The following BORA variants were observed in gnomAD, a reference collection of about 807,000 sequenced individuals.
BORA encodes BORA aurora kinase A activator.
In BORA, 26 loss-of-function variants were observed where a neutral mutation model predicts 55.8. The ratio of observed to expected loss-of-function variants is 0.47; its 90% CI spans 0.34 to 0.65. The LOEUF (loss-of-function observed/expected upper bound fraction) is 0.65. Among genes scored for constraint, BORA ranks in the 30% least tolerant of loss-of-function variants. The probability of loss-of-function intolerance (pLI) is 0.01; values close to 1 mark genes in which losing one functional copy is unlikely to be tolerated. For synonymous variants in BORA, 201 were observed against 216.9 expected (o/e 0.93, Z 0.64); for missense variants, 568 against 671.5 (o/e 0.85, Z 1.70).
chr13:72,728,106 A>G, intron 1 of BORA, 99 bp downstream of exon 1: 1 of 1,477,052 alleles, frequency 6.8e-7, no homozygotes, highest in Non-Finnish European at 9.3e-7. Context: ...CCCCTGGTGA[A>G]TGGGAGCAGT....
intron 10 of BORA, chr13:72,752,236 G>C (rs753696563): frequency 3.9e-5 from 6 of 152,294 alleles, no homozygotes; most frequent in Admixed American, 2.0e-4. Flanking sequence ...GCAGTGAATA[G>C]AACATGACTT....
rs1045979446 is a variant in BORA, at chr13:72,737,982, C to T, written c.327C>T (p.Ile109=). ...CCTAGTTTTTCACTAAAGATGTCATCGTACCCTCTCCTTGGACTGATCATG... is the reference window on the plus strand; with the variant it reads ...CCTAGTTTTTCACTAAAGATGTCATTGTACCCTCTCCTTGGACTGATCATG... ...AIEEFFTKDV[I]VPSPWTDHEG... is the part of the protein sequence containing the mutation. Residue 109 remains isoleucine (I), a synonymous_variant, in exon 5 of 12, where the codon ATC becomes ATT. Transcript: ENST00000390667. 8.8e-6 allele frequency: 14 copies of T among 1,594,684 alleles called. No homozygotes were observed. Among genetic ancestry groups the T allele is most frequent in the Middle Eastern group, 1.7e-4 (1 of 6,000 alleles).
chr13:72,729,322 C>T (rs1005581180), intron 2 of BORA, among the ~76,000 whole-genome samples: 15 of 151,846 alleles, frequency 9.9e-5, no homozygotes, highest in Non-Finnish European at 2.1e-4. Context: ...ACGTTAGCTT[C>T]CTGCAGTTGT....
chr13:72,747,222 TATATA>T (rs1388782748), intron 10 of BORA, 111 bp downstream of exon 10: 2 of 1,128,878 alleles, frequency 1.8e-6, no homozygotes, highest in Non-Finnish European at 2.4e-6. Context: ...ACTACAGTAT[TATATA>T]ATATTTTTTA....
At chr13:72,739,500 A>G (rs2032995156) in intron 5 of BORA, among the ~76,000 whole-genome samples, 1 of 152,292 alleles carries the variant, frequency 6.6e-6, no homozygotes, top group East Asian at 1.9e-4. Context: ...GTTCCAAACT[A>G]TCTTTTCTAG....
intron 4 of BORA, among the ~76,000 whole-genome samples, chr13:72,736,725 G>A (rs2032935500): frequency 6.6e-6 from 1 of 151,788 alleles, no homozygotes; most frequent in African/African-American, 2.4e-5. Context: ...TTCAGTTTTG[G>A]TAGATTTTAC....
chr13:72,728,240 T>C lies in BORA; in HGVS notation c.-16+233T>C, dbSNP rs150384029. 6,184 of 711,096 alleles carry C rather than the reference T, an allele frequency of 8.7e-3. 45 individuals carry two copies. The highest frequency in any genetic ancestry group is 0.012 in the Non-Finnish European group (4,785 of 392,604). The allele number at this position is 711,096 out of a possible 1,614,324, so 44.0% of individuals were successfully genotyped here. On this transcript the variant is annotated intron_variant, in intron 1 of 11. Transcript: ENST00000390667. ...TCTCAACCTTCCAGAAGTAGACTCT[T>C]TTCCACCCCACCCCGCCAAGGTGTA...
chr13:72,746,101 G>C, intron 9 of BORA, 25 bp downstream of exon 9: 3 of 1,574,950 alleles, frequency 1.9e-6, no homozygotes, highest in South Asian at 1.1e-5. Context: ...AAAATACCTA[G>C]TTAAAAGTTT....
chr13:72,754,755 A>G (rs1029765597), intron 11 of BORA: 2 of 157,794 alleles, frequency 1.3e-5, no homozygotes, highest in Non-Finnish European at 2.8e-5. Flanking sequence ...TCATTCTGTC[A>G]CCCAGGCTAG....
intron 5 of BORA, 42 bp from the exon 6 acceptor site, chr13:72,743,492 TGAA>T (rs776313719): frequency 9.5e-6 from 13 of 1,366,866 alleles, no homozygotes; most frequent in African/African-American, 5.9e-5. Flanking sequence ...CTAAAGCAAA[TGAA>T]GAGTATAAAA....
At position 72,753,704 on chromosome 13, in the gene BORA, T is replaced by C; in HGVS notation, c.1497T>C (p.Tyr499=). ...TCTCCTGTCAGATGGATAGTGGCTA[T>C]AATACGCAGAATTGTGGAAGCAATA... ...ESSNIQMDSG[Y]NTQNCGSNIM... is the part of the protein sequence containing the mutation. Residue 499 remains tyrosine, a synonymous_variant, in exon 11 of 12, where the codon TAT becomes TAC. Transcript: ENST00000390667. The C allele has an allele frequency of 1.2e-6, 2 of 1,612,464 alleles. No individual in the cohort carries two copies. The highest frequency in any genetic ancestry group is 1.7e-6 in the Non-Finnish European group (2 of 1,179,416).
chr13:72,729,132 A>G, intron 2 of BORA, 39 bp downstream of exon 2: 7 of 1,408,840 alleles, frequency 5.0e-6, no homozygotes, highest in Non-Finnish European at 6.7e-6. Context: ...CTAATTTTAA[A>G]TGTAAGTAAT....
rs536735972 is a variant in BORA, at chr13:72,742,828, CA to C, written c.389-708del. On this transcript the variant is annotated intron_variant, in intron 5 of 11. Coordinates refer to ENST00000390667, the MANE Select transcript of BORA (RefSeq NM_024808.5). ...CACACACACAAAATGGAATACTATT[CA>C]GCCTTAAAAAAGAGGAAATTTTGTC... Among the ~76,000 whole-genome samples the C allele has an allele frequency of 5.8e-3, 859 of 149,284 alleles. 4 individuals carry two copies. Among genetic ancestry groups the C allele is most frequent in the Non-Finnish European group, 0.01 (689 of 67,406 alleles).
chr13:72,735,088 A>C (rs1284457458), intron 4 of BORA, 83 bp downstream of exon 4: 4 of 1,118,506 alleles, frequency 3.6e-6, no homozygotes, highest in Non-Finnish European at 5.4e-6. Context: ...GACTTTCTTC[A>C]ATTCCTTCAC....
intron 3 of BORA, among the ~76,000 whole-genome samples, chr13:72,733,992 G>A (rs1285484192): frequency 1.3e-5 from 2 of 152,090 alleles, no homozygotes; most frequent in Non-Finnish European, 2.9e-5. Context: ...ACTTATAAGT[G>A]GGAGCTAAAT....
chr13:72,753,593 T>G, intron 10 of BORA, 97 bp from the exon 11 acceptor site: 1 of 1,250,888 alleles, frequency 8.0e-7, no homozygotes, highest in Non-Finnish European at 1.1e-6. Context: ...TTAGGATCAT[T>G]CAGATGTAGT....
intron 10 of BORA, among the ~76,000 whole-genome samples, chr13:72,750,013 T>G (rs887809543): frequency 2.0e-4 from 30 of 152,202 alleles, no homozygotes; most frequent in African/African-American, 6.5e-4. Context: ...CATTAAATAT[T>G]TGTGTAACAA....
Position 72,743,520 on chromosome 13 carries a change from C to T in BORA, c.389-17C>T. 2.5e-6 allele frequency: 4 copies of T among 1,579,896 alleles called. No individual in the cohort carries two copies. Among genetic ancestry groups the T allele is most frequent in the Non-Finnish European group, 3.5e-6 (4 of 1,158,024 alleles). ...AGAGTATAAAACATAGGATTTTTCA[C>T]TTAAAATGTCTTACAGGCACTAACA... On this transcript the variant is annotated splice_polypyrimidine_tract_variant and intron_variant, in intron 5 of 11. Transcript: ENST00000390667.
At chr13:72,745,240 A>G (rs781235442) in intron 8 of BORA, 33 bp downstream of exon 8, 5 of 1,560,294 alleles carry the variant, frequency 3.2e-6, no homozygotes, top group East Asian at 2.3e-5. Context: ...GTTGGCTAAT[A>G]TGCTGTCAAG....
Sources: allele counts gnomAD v4.1 joint callset (sites outside exome capture counted in the v4.1 genomes callset), GRCh38; gene constraint gnomAD v4.1.1; transcripts MANE v1.5; gene names NCBI Gene and HGNC (gene_info 2026-07-23, HGNC 2026-07-21).